The following STARD13 variants were observed in gnomAD, a reference collection of about 807,000 sequenced individuals.
STARD13 encodes StAR related lipid transfer domain containing 13, also known as stAR-related lipid transfer protein 13.
Under a neutral mutation model 106.4 loss-of-function variants are expected in STARD13, and 62 were observed. The observed-to-expected ratio is 0.58, with a 90% CI of 0.48 to 0.72. The LOEUF (loss-of-function observed/expected upper bound fraction) is 0.72, where lower values mean the gene tolerates loss of function less well. Ranked by LOEUF, STARD13 falls within the 30% of genes least tolerant of loss-of-function variation. The pLI is 0.00. For synonymous variants in STARD13, 565 were observed against 553.0 expected (o/e 1.02, Z -0.31); for missense variants, 1,387 against 1,424.0 (o/e 0.97, Z 0.42).
chr13:33,438,635 C>T, the STARD13 span, among the ~76,000 whole-genome samples: 1 of 152,172 alleles, frequency 6.6e-6, no homozygotes, highest in Admixed American at 6.5e-5. Context: ...ATTTTCCTGA[C>T]AAAGTTCTAG....
At chr13:33,165,525 A>G in intron 2 of STARD13, 107 bp from the exon 3 acceptor site, 1 of 788,676 alleles carries the variant, frequency 1.3e-6, no homozygotes, top group Non-Finnish European at 2.1e-6. Flanking sequence ...AATAGCAGTG[A>G]CTGCCCATCA....
chr13:33,343,401 G>A (rs1323605754), intron 1 of STARD13, among the ~76,000 whole-genome samples: 1 of 150,664 alleles, frequency 6.6e-6, no homozygotes, highest in Non-Finnish European at 1.5e-5. Context: ...GCAACATGAA[G>A]AAACCCCATC....
the STARD13 span, among the ~76,000 whole-genome samples, chr13:33,607,680 T>C: frequency 6.6e-6 from 1 of 152,168 alleles, no homozygotes; most frequent in Non-Finnish European, 1.5e-5. Context: ...AAAAATTCAT[T>C]CTTGATATTA....
chr13:33,344,270 A>G (rs116711293), downstream of STARD13, among the ~76,000 whole-genome samples: 1,185 of 152,298 alleles, frequency 7.8e-3, 18 homozygotes, highest in African/African-American at 0.026. Flanking sequence ...CTTCTTTTCT[A>G]ATTTTAATTG....
At chr13:33,660,378 A>G in the STARD13 span, among the ~76,000 whole-genome samples, 1 of 152,256 alleles carries the variant, frequency 6.6e-6, no homozygotes, top group East Asian at 1.9e-4. Context: ...AATCTCTCTA[A>G]TTACAATAAT....
At chr13:33,514,951 A>G in the STARD13 span, among the ~76,000 whole-genome samples, 1 of 152,072 alleles carries the variant, frequency 6.6e-6, no homozygotes, top group African/African-American at 2.4e-5. Context: ...AATAAATGGG[A>G]GTGGAGCCTC....
the STARD13 span, among the ~76,000 whole-genome samples, chr13:33,383,978 ATTATTAATTT>A: frequency 6.6e-6 from 1 of 152,094 alleles, no homozygotes; most frequent in Admixed American, 6.6e-5. Context: ...ACCAGGTTCG[ATTATTAATTT>A]AGCCTGACCA....
Position 33,185,222 on chromosome 13 carries a change from G to A in STARD13, c.170-17600C>T, listed in dbSNP as rs141678294. 1.5e-3 allele frequency among the ~76,000 whole-genome samples: 236 copies of A among 152,282 alleles called. 1 individual carries two copies. The highest frequency in any genetic ancestry group is 2.7e-3 in the Non-Finnish European group (183 of 68,028). On this transcript the variant is annotated intron_variant, in intron 1 of 13. Coordinates refer to ENST00000336934, the MANE Select transcript of STARD13 (RefSeq NM_178006.4). ...CTGCCCTTAAAGAACTGAGACACACGCACACAGGCCATCAGTGGCTGATGT... is the reference window on the plus strand; with the variant it reads ...CTGCCCTTAAAGAACTGAGACACACACACACAGGCCATCAGTGGCTGATGT...
At chr13:33,449,723 G>A in the STARD13 span, among the ~76,000 whole-genome samples, 1,433 of 152,178 alleles carry the variant, frequency 9.4e-3, 13 homozygotes, top group Non-Finnish European at 0.017. Flanking sequence ...ATAAATTATT[G>A]CAATTCATGA....
At chr13:33,142,063 G>T (rs1368944494) in intron 4 of STARD13, among the ~76,000 whole-genome samples, 1 of 152,186 alleles carries the variant, frequency 6.6e-6, no homozygotes, top group Non-Finnish European at 1.5e-5. Flanking sequence ...GGGTGTCACT[G>T]TGTCACCCAG....
chr13:33,433,544 C>T, the STARD13 span, among the ~76,000 whole-genome samples: 1 of 152,152 alleles, frequency 6.6e-6, no homozygotes, highest in Non-Finnish European at 1.5e-5. Flanking sequence ...CACGTTCCGC[C>T]TTCCATCTGC....
At position 33,105,692 on chromosome 13, in the gene STARD13, C is replaced by G. The variant is rs770581102; in HGVS notation, c.3243G>C (p.Trp1081Cys). 6.2e-7 allele frequency: 1 copy of G among 1,614,112 alleles called. No homozygotes were observed. Among genetic ancestry groups the G allele is most frequent in the Admixed American group, 1.7e-5 (1 of 60,030 alleles). ...ACAGATGTCCAAAGCCTTTGCTGTA[C>G]CATTCTGGGGAGTGACCTCTGTGGG... Reference protein sequence around the residue: ...RIDLKGHSPEWYSKGFGHLCA... With the variant: ...RIDLKGHSPECYSKGFGHLCA... Residue 1081 changes from tryptophan to cysteine, a missense_variant, in exon 14 of 14, where the codon TGG (tryptophan) becomes TGC (cysteine). By Grantham distance (215) the Trp-to-Cys change is radical (BLOSUM62 -2). Transcript: ENST00000336934.
chr13:33,407,148 T>C, the STARD13 span, among the ~76,000 whole-genome samples: 6 of 152,196 alleles, frequency 3.9e-5, no homozygotes, highest in Admixed American at 3.9e-4. Context: ...TAAAATAATC[T>C]GTTATGCTCT....
the STARD13 span, among the ~76,000 whole-genome samples, chr13:33,494,851 G>A: frequency 1.3e-5 from 2 of 151,868 alleles, no homozygotes; most frequent in Non-Finnish European, 1.5e-5. Flanking sequence ...CTTTGCTGCT[G>A]CACCAAAAAA....
At chr13:33,357,013 G>T in the STARD13 span, among the ~76,000 whole-genome samples, 1 of 152,196 alleles carries the variant, frequency 6.6e-6, no homozygotes, top group Non-Finnish European at 1.5e-5. Context: ...ATGTGAGAGT[G>T]TTTTATAATT....
chr13:33,640,105 C>T, the STARD13 span, among the ~76,000 whole-genome samples: 1 of 152,138 alleles, frequency 6.6e-6, no homozygotes, highest in African/African-American at 2.4e-5. Context: ...AAGATATTCT[C>T]CTTGTGCTTC....
chr13:33,588,535 C>T, the STARD13 span, among the ~76,000 whole-genome samples: 1 of 152,140 alleles, frequency 6.6e-6, no homozygotes, highest in Non-Finnish European at 1.5e-5. Context: ...ATTATATCTG[C>T]ACCACTGGTT....
At chr13:33,586,161 T>C in the STARD13 span, among the ~76,000 whole-genome samples, 2 of 152,166 alleles carry the variant, frequency 1.3e-5, no homozygotes, top group Admixed American at 6.5e-5. Flanking sequence ...CCAAAAAGAT[T>C]CACATATCAA....
At chr13:33,412,624 T>C in the STARD13 span, among the ~76,000 whole-genome samples, 1 of 151,648 alleles carries the variant, frequency 6.6e-6, no homozygotes, top group Non-Finnish European at 1.5e-5. Context: ...AGTAAAATAA[T>C]GAAAAAATAT....
Sources: allele counts gnomAD v4.1 joint callset (sites outside exome capture counted in the v4.1 genomes callset), GRCh38; gene constraint gnomAD v4.1.1; transcripts MANE v1.5; gene names NCBI Gene and HGNC (gene_info 2026-07-23, HGNC 2026-07-21).